Variants in PCDHA9 observed in about 807,000 individuals in gnomAD.
The protein encoded by PCDHA9 is protocadherin alpha-9.
PCDHA9 carries 62 observed loss-of-function variants against 62.0 expected under a neutral mutation model. The ratio of observed to expected loss-of-function variants is 1.00; its 90% confidence interval spans 0.81 to 1.23. The LOEUF (loss-of-function observed/expected upper bound fraction) is 1.23. PCDHA9 is among the 50% of genes most tolerant of loss of function. The pLI is 0.00. For synonymous variants in PCDHA9, 557 were observed against 567.6 expected, an observed-to-expected ratio of 0.98 and a Z score of 0.27; for missense variants, 1,205 against 1,249.8, an observed-to-expected ratio of 0.96 and a Z score of 0.54.
intron 1 of PCDHA9, chr5:140,856,524 CG>C (rs2044059008): frequency 6.3e-7 from 1 of 1,598,296 alleles, no homozygotes; most frequent in African/African-American, 1.3e-5. Flanking sequence ...GCATCTGATG[CG>C]GATGTTGGAG....
At chr5:140,856,444 C>G in intron 1 of PCDHA9, 1 of 1,598,432 alleles carries the variant, frequency 6.3e-7, no homozygotes, top group Non-Finnish European at 8.6e-7. Flanking sequence ...CGCCCAGGTT[C>G]TCCGTAACAG....
At chr5:140,997,911 C>T (rs2097790216) in intron 3 of PCDHA9, among the ~76,000 whole-genome samples, 1 of 152,120 alleles carries the variant, frequency 6.6e-6, no homozygotes, top group East Asian at 1.9e-4. Context: ...AGTAGAATTA[C>T]AGAATCATAG....
chr5:140,976,453 G>A (rs1554237653), intron 1 of PCDHA9, among the ~76,000 whole-genome samples: 1 of 152,032 alleles, frequency 6.6e-6, no homozygotes, highest in Admixed American at 6.6e-5. Flanking sequence ...AGGGAGGCTG[G>A]GGAAGAAGAA....
At chr5:140,907,913 C>T (rs2073688326) in intron 1 of PCDHA9, among the ~76,000 whole-genome samples, 1 of 152,234 alleles carries the variant, frequency 6.6e-6, no homozygotes, top group Non-Finnish European at 1.5e-5. Context: ...TTTTTGACCA[C>T]TCAGAGAGGT....
chr5:140,877,184 G>C (rs1554169429), intron 1 of PCDHA9: 1 of 1,613,842 alleles, frequency 6.2e-7, no homozygotes. Context: ...ACTCCGGCTG[G>C]CAGCGCAGGA....
intron 3 of PCDHA9, among the ~76,000 whole-genome samples, chr5:140,998,396 T>A (rs2097810780): frequency 6.6e-6 from 1 of 152,212 alleles, no homozygotes. Flanking sequence ...ATGCCATCTT[T>A]ATGCCAAAGT....
chr5:140,981,881 C>T lies in PCDHA9; in HGVS notation c.2454-594C>T, dbSNP rs138571007. Among the ~76,000 whole-genome samples the T allele has an allele frequency of 4.1e-3, 622 of 152,270 alleles. 4 individuals carry two copies. Among genetic ancestry groups the T allele is most frequent in the African/African-American group, 0.014 (590 of 41,550 alleles). ...CAGCAATGTTTTATGCTGAATTAAT[C>T]TCTTCTGAGCGGGGATCTGTGAGTG... On this transcript the variant is annotated intron_variant, in intron 2 of 3. Transcript: ENST00000532602.
chr5:140,945,201 T>G (rs1168662297), intron 1 of PCDHA9, among the ~76,000 whole-genome samples: 1 of 152,172 alleles, frequency 6.6e-6, no homozygotes, highest in Middle Eastern at 3.4e-3. Context: ...CTATTTACAA[T>G]AGCTATGAGA....
chr5:140,990,172 TGA>T (rs1341832599), intron 3 of PCDHA9, among the ~76,000 whole-genome samples: 1 of 152,022 alleles, frequency 6.6e-6, no homozygotes, highest in Non-Finnish European at 1.5e-5. Context: ...TATGAAAAGG[TGA>T]CTTTTAAGAA....
At chr5:140,998,405 G>C (rs144117915) in intron 3 of PCDHA9, among the ~76,000 whole-genome samples, 226 of 152,208 alleles carry the variant, frequency 1.5e-3, no homozygotes, top group African/African-American at 5.2e-3. Flanking sequence ...TTATGCCAAA[G>C]TTTATCTACC....
At chr5:140,902,687 T>C (rs552973135) in intron 1 of PCDHA9, among the ~76,000 whole-genome samples, 184 of 152,262 alleles carry the variant, frequency 1.2e-3, no homozygotes, top group African/African-American at 4.2e-3. Context: ...GTACCTAATA[T>C]GTGTAGTCTT....
chr5:140,856,246 G>T (rs782761072), intron 1 of PCDHA9: 2 of 1,598,030 alleles, frequency 1.3e-6, no homozygotes, highest in Admixed American at 1.7e-5. Flanking sequence ...TCCGGGTGGC[G>T]TCCAAAAGAC....
chr5:140,879,470 T>C (rs73793510), intron 1 of PCDHA9, among the ~76,000 whole-genome samples: 2,106 of 152,256 alleles, frequency 0.014, 41 homozygotes, highest in African/African-American at 0.048. Flanking sequence ...GAGAATACCG[T>C]TGTGATTGGA....
chr5:140,885,138 T>C (rs1582817960), intron 1 of PCDHA9, among the ~76,000 whole-genome samples: 1 of 152,206 alleles, frequency 6.6e-6, no homozygotes, highest in Admixed American at 6.5e-5. Context: ...TTTCTTTTTT[T>C]AAACTGTTTT....
chr5:140,853,354 A>G (rs1391288948), intron 1 of PCDHA9: 1 of 982,096 alleles, frequency 1.0e-6, no homozygotes, highest in African/African-American at 1.8e-5. Flanking sequence ...ACATGAACTC[A>G]CAGGGATCCA....
chr5:140,869,788 T>A (rs782425741), intron 1 of PCDHA9: 1 of 1,612,892 alleles, frequency 6.2e-7, no homozygotes, highest in East Asian at 2.2e-5. Flanking sequence ...CGTTCGGCTG[T>A]TAGTCCAAGT....
intron 1 of PCDHA9, among the ~76,000 whole-genome samples, chr5:140,919,232 T>G (rs1178591658): frequency 3.9e-5 from 6 of 152,246 alleles, no homozygotes; most frequent in African/African-American, 1.4e-4. Flanking sequence ...CTAGTAACAC[T>G]TTTTGTCTTG....
chr5:140,876,181 G>T, intron 1 of PCDHA9: 1 of 1,613,982 alleles, frequency 6.2e-7, no homozygotes, highest in South Asian at 1.1e-5. Context: ...GGATGTGAAT[G>T]ACAATGGTCC....
intron 3 of PCDHA9, 75 bp from the exon 4 acceptor site, chr5:141,009,552 C>T: frequency 6.4e-7 from 1 of 1,562,176 alleles, no homozygotes; most frequent in Non-Finnish European, 8.7e-7. Context: ...TGCAGTACTC[C>T]TGTACTCTAC....
Sources: gnomAD v4.1 joint callset for allele counts (sites outside exome capture counted in the v4.1 genomes callset) on GRCh38, gnomAD v4.1.1 for gene constraint, MANE v1.5 for transcripts, NCBI Gene and HGNC (gene_info 2026-07-23, HGNC 2026-07-21) for gene names.